SYN3: variants seen among roughly 807,000 people sequenced by gnomAD.
SYN3 encodes synapsin III.
In SYN3, 35 loss-of-function variants were observed where a neutral mutation model predicts 65.8. That is an observed-to-expected ratio of 0.53 (90% CI 0.41 to 0.70). SYN3 has a LOEUF of 0.70. Ranked by LOEUF, SYN3 falls within the 30% of genes least tolerant of loss-of-function variation. SYN3 has a pLI of 0.00. For synonymous variants in SYN3, 270 were observed against 292.9 expected, an observed-to-expected ratio of 0.92 and a Z score of 0.80; for missense variants, 680 against 749.0, an observed-to-expected ratio of 0.91 and a Z score of 1.08.
chr22:32,827,509 G>A (rs1474593423), intron 6 of SYN3, among the ~76,000 whole-genome samples: 1 of 152,184 alleles, frequency 6.6e-6, no homozygotes, highest in Admixed American at 6.5e-5. Flanking sequence ...GGCTTTTCTA[G>A]GTGTCAGCAT....
chr22:32,968,527 G>C (rs750056052), intron 3 of SYN3, among the ~76,000 whole-genome samples: 76 of 152,272 alleles, frequency 5.0e-4, no homozygotes, highest in Non-Finnish European at 9.6e-4. Context: ...TGCACTAATA[G>C]CCCACCCTGA....
intron 1 of SYN3, among the ~76,000 whole-genome samples, chr22:33,029,777 GTCCAGGCCCTACGGATTT>G (rs2053716824): frequency 6.6e-6 from 1 of 152,174 alleles, no homozygotes; most frequent in Non-Finnish European, 1.5e-5. Context: ...CTCTGACTGA[GTCCAGGCCCTACGGATTT>G]TCCATTACAT....
chr22:32,872,432 G>A (rs1024203021), intron 4 of SYN3, among the ~76,000 whole-genome samples: 2 of 152,122 alleles, frequency 1.3e-5, no homozygotes, highest in African/African-American at 4.8e-5. Flanking sequence ...TTACCAAGGG[G>A]TTGCCTTACA....
intron 6 of SYN3, among the ~76,000 whole-genome samples, chr22:32,836,008 G>C (rs1165716664): frequency 6.6e-6 from 1 of 152,196 alleles, no homozygotes; most frequent in Non-Finnish European, 1.5e-5. Context: ...TTGACTTGGT[G>C]GGGTGTTTCA....
In SYN3 at chr22:32,746,257, G is replaced by A. The variant is rs57873849; in HGVS notation, c.711+118658C>T. 3.5e-3 allele frequency among the ~76,000 whole-genome samples: 540 copies of A among 152,330 alleles called. 8 individuals are homozygous for A. Among genetic ancestry groups the A allele is most frequent in the African/African-American group, 0.012 (501 of 41,576 alleles). The stretch of plus-strand genomic sequence containing the variant: ...AGGAGCTCCAAGAATCCCCCTTTGG[G>A]TTGACTTTTATGACCAGCTGGTGCC... On this transcript the variant is annotated intron_variant, in intron 6 of 13. Coordinates refer to ENST00000358763, the MANE Select transcript of SYN3 (RefSeq NM_003490.4).
At chr22:32,999,847 G>T (rs936545768) in intron 2 of SYN3, among the ~76,000 whole-genome samples, 17 of 152,136 alleles carry the variant, frequency 1.1e-4, no homozygotes, top group African/African-American at 2.9e-4. Context: ...TGGGGAGGGG[G>T]CAGGCAGGAG....
chr22:32,642,957 A>C lies in SYN3; in HGVS notation c.712-46221T>G, dbSNP rs115628032. Among the ~76,000 whole-genome samples, 1,464 of 152,312 alleles carry C rather than the reference A, an allele frequency of 9.6e-3. 25 individuals are homozygous for C. Among genetic ancestry groups the C allele is most frequent in the African/African-American group, 0.032 (1,327 of 41,564 alleles). On this transcript the variant is annotated intron_variant, in intron 6 of 13. Transcript: ENST00000358763. ...TTTTTTAAATCTACCTAAAAGTTAT[A>C]CTTGTATTAATATGCTGATCCATAT...
intron 6 of SYN3, among the ~76,000 whole-genome samples, chr22:32,673,328 A>C (rs1241684653): frequency 1.3e-5 from 2 of 152,226 alleles, no homozygotes; most frequent in African/African-American, 4.8e-5. Flanking sequence ...CCTCCCCCAG[A>C]GAGGGACCCA....
At chr22:32,997,920 A>G (rs1386346059) in intron 2 of SYN3, among the ~76,000 whole-genome samples, 1 of 151,414 alleles carries the variant, frequency 6.6e-6, no homozygotes, top group Non-Finnish European at 1.5e-5. Context: ...CCAGCTACTC[A>G]GGAGGCTGAG....
At chr22:32,550,529 G>T (rs911115260) in intron 7 of SYN3, among the ~76,000 whole-genome samples, 6 of 151,630 alleles carry the variant, frequency 4.0e-5, no homozygotes, top group Admixed American at 3.9e-4. Flanking sequence ...ATGCTATTAG[G>T]ACCCAAGATT....
At chr22:32,738,464 G>C (rs2061361741) in intron 6 of SYN3, among the ~76,000 whole-genome samples, 1 of 152,220 alleles carries the variant, frequency 6.6e-6, no homozygotes, top group East Asian at 1.9e-4. Flanking sequence ...AAAGCGCCAA[G>C]ATGAAGCTCC....
chr22:32,899,657 C>A (rs1298937113), intron 4 of SYN3, among the ~76,000 whole-genome samples: 1 of 152,232 alleles, frequency 6.6e-6, no homozygotes, highest in Non-Finnish European at 1.5e-5. Context: ...GGAAACACCA[C>A]ATATAATAAG....
intron 6 of SYN3, among the ~76,000 whole-genome samples, chr22:32,751,543 C>T (rs748548379): frequency 7.2e-5 from 11 of 152,162 alleles, no homozygotes; most frequent in Non-Finnish European, 1.5e-4. Context: ...CAGTCGCGTA[C>T]AGGCCTCTGT....
At chr22:32,907,714 T>C (rs1228044997) in intron 4 of SYN3, among the ~76,000 whole-genome samples, 1 of 152,136 alleles carries the variant, frequency 6.6e-6, no homozygotes, top group African/African-American at 2.4e-5. Flanking sequence ...TAAAAAACAA[T>C]AAAGAAGAAA....
At position 32,835,413 on chromosome 22, in the gene SYN3, C is replaced by A. The variant is rs1008435869; in HGVS notation, c.711+29502G>T. Among the ~76,000 whole-genome samples the A allele has an allele frequency of 2.0e-5, 3 of 152,208 alleles. No homozygotes were observed. The East Asian group carries it at 5.8e-4, about 29-fold the overall frequency. On this transcript the variant is annotated intron_variant, in intron 6 of 13. Transcript: ENST00000358763. ...AAATGAATCTACGAACATATAGTTA[C>A]ATACACACTAGGGCCCCTGAGAATA...
intron 7 of SYN3, among the ~76,000 whole-genome samples, chr22:32,570,622 C>A (rs2058746724): frequency 6.6e-6 from 1 of 151,980 alleles, no homozygotes; most frequent in African/African-American, 2.4e-5. Context: ...TCTGAGTATG[C>A]CGCATTTAGC....
intron 4 of SYN3, among the ~76,000 whole-genome samples, chr22:32,915,486 CTG>C (rs1354349580): frequency 6.6e-6 from 1 of 152,126 alleles, no homozygotes; most frequent in East Asian, 1.9e-4. Context: ...AGAGATCCAC[CTG>C]TGTTATTCTG....
At chr22:32,722,865 C>T (rs760576975) in intron 6 of SYN3, among the ~76,000 whole-genome samples, 2 of 152,150 alleles carry the variant, frequency 1.3e-5, no homozygotes, top group Non-Finnish European at 2.9e-5. Context: ...GAACCGAGGG[C>T]GGGAGTAGGA....
At chr22:32,514,351 T>C (rs1224757968) in intron 13 of SYN3, 1 of 152,554 alleles carries the variant, frequency 6.6e-6, no homozygotes, top group Non-Finnish European at 1.5e-5. Flanking sequence ...CTTTGCCTCA[T>C]CTGTAGAGCG....
Sources: allele counts gnomAD v4.1 joint callset (sites outside exome capture counted in the v4.1 genomes callset), GRCh38; gene constraint gnomAD v4.1.1; transcripts MANE v1.5; gene names NCBI Gene and HGNC (gene_info 2026-07-23, HGNC 2026-07-21).